Variants in CACNA2D3 observed in about 807,000 individuals in gnomAD.
CACNA2D3 encodes voltage-dependent calcium channel subunit alpha-2/delta-3.
A neutral mutation model predicts 160.6 loss-of-function variants in CACNA2D3; 60 were observed. The ratio of observed to expected loss-of-function variants is 0.37; its 90% CI spans 0.30 to 0.46. The LOEUF (loss-of-function observed/expected upper bound fraction) is 0.46. CACNA2D3 is among the 20% of genes least tolerant of loss of function. CACNA2D3 has a pLI of 1.00. For missense variants in CACNA2D3, 1,205 were observed against 1,365.0 expected, an observed-to-expected ratio of 0.88 and a Z score of 1.85; for synonymous variants, 558 against 492.9, an observed-to-expected ratio of 1.13 and a Z score of -1.75.
chr3:54,192,614 A>G (rs1701003312), intron 2 of CACNA2D3, among the ~76,000 whole-genome samples: 1 of 152,100 alleles, frequency 6.6e-6, no homozygotes, highest in South Asian at 2.1e-4. Context: ...AAAGCAGGGA[A>G]TGAGCACGAG....
At chr3:54,772,211 C>G (rs1021423534) in intron 13 of CACNA2D3, among the ~76,000 whole-genome samples, 2 of 150,036 alleles carry the variant, frequency 1.3e-5, no homozygotes, top group Admixed American at 6.7e-5. Flanking sequence ...ACTCTTCTTT[C>G]TCTGTAATTA....
At chr3:54,488,754 C>T (rs950145970) in intron 4 of CACNA2D3, among the ~76,000 whole-genome samples, 1 of 152,160 alleles carries the variant, frequency 6.6e-6, no homozygotes, top group Non-Finnish European at 1.5e-5. Context: ...GAAGAAACAG[C>T]TATGCTTCCT....
intron 3 of CACNA2D3, among the ~76,000 whole-genome samples, chr3:54,342,381 G>T (rs1698373631): frequency 6.6e-6 from 1 of 152,202 alleles, no homozygotes; most frequent in Non-Finnish European, 1.5e-5. Flanking sequence ...TGAGGCAGTG[G>T]ATCTGAGTAT....
At chr3:54,423,876 G>T (rs57032148) in intron 4 of CACNA2D3, among the ~76,000 whole-genome samples, 12,503 of 150,954 alleles carry the variant, frequency 0.083, 736 homozygotes, top group East Asian at 0.17. Context: ...CTCTTCTGTT[G>T]CCATCTTGAA....
At chr3:54,923,804 C>G (rs958198052) in intron 27 of CACNA2D3, among the ~76,000 whole-genome samples, 1 of 152,208 alleles carries the variant, frequency 6.6e-6, no homozygotes, top group African/African-American at 2.4e-5. Flanking sequence ...CACTGAACCT[C>G]TCTGGGACTC....
chr3:54,598,474 A>G (rs1313359710), intron 9 of CACNA2D3, among the ~76,000 whole-genome samples: 3 of 152,154 alleles, frequency 2.0e-5, no homozygotes, highest in South Asian at 2.1e-4. Context: ...GTAATTATTT[A>G]CTCAAATAAT....
rs562054885 is a variant in CACNA2D3, at chr3:54,514,356, G to A, written c.544+10702G>A. Among the ~76,000 whole-genome samples the A allele has an allele frequency of 3.8e-4, 58 of 152,342 alleles. 1 individual carries two copies. The South Asian group carries it at 7.9e-3, about 21-fold the overall frequency. On this transcript the variant is annotated intron_variant, in intron 5 of 37. Transcript: ENST00000474759. ...TCTTCTCCTTGCCAGAAAGTTCACT[G>A]CAGTGTGTTTAGGAGAAGTGAATTC...
At chr3:54,908,602 A>G (rs1700494982) in intron 27 of CACNA2D3, among the ~76,000 whole-genome samples, 1 of 152,170 alleles carries the variant, frequency 6.6e-6, no homozygotes, top group Non-Finnish European at 1.5e-5. Flanking sequence ...CTGTAGTCCC[A>G]GTTATTCAGG....
At chr3:54,583,499 A>G (rs1198442720) in intron 9 of CACNA2D3, among the ~76,000 whole-genome samples, 1 of 152,210 alleles carries the variant, frequency 6.6e-6, no homozygotes. Flanking sequence ...AACGCAACAA[A>G]CAAGTATAGG....
chr3:55,041,215 T>C (rs1212028815), intron 35 of CACNA2D3, among the ~76,000 whole-genome samples: 2 of 152,214 alleles, frequency 1.3e-5, no homozygotes, highest in Non-Finnish European at 2.9e-5. Flanking sequence ...CCTTGTCTTA[T>C]TACACATGAT....
chr3:54,973,467 C>G (rs1374546222), intron 29 of CACNA2D3, among the ~76,000 whole-genome samples: 2 of 152,184 alleles, frequency 1.3e-5, no homozygotes, highest in African/African-American at 4.8e-5. Context: ...ACTTCATGAT[C>G]AAAGTCAGCT....
At chr3:54,564,999 G>A in intron 6 of CACNA2D3, among the ~76,000 whole-genome samples, 1 of 152,142 alleles carries the variant, frequency 6.6e-6, no homozygotes, top group Non-Finnish European at 1.5e-5. Context: ...TCACTGGCAA[G>A]TGATCTCCTC....
At position 54,228,450 on chromosome 3, in the gene CACNA2D3, T is replaced by C. The variant is rs953697515; in HGVS notation, c.205-91992T>C. Among the ~76,000 whole-genome samples the C allele has an allele frequency of 6.6e-5, 10 of 152,246 alleles. 1 individual carries two copies. The East Asian group carries it at 9.6e-4, about 15-fold the overall frequency. The stretch of plus-strand genomic sequence containing the variant: ...ATCACCTAGGCTGGTCACCACTAAC[T>C]GGTGCTAAAAAGATTAAACAAGTAT... On this transcript the variant is annotated intron_variant, in intron 2 of 37. Coordinates refer to ENST00000474759, the MANE Select transcript of CACNA2D3 (RefSeq NM_018398.3).
chr3:54,186,741 AT>A (rs1700885147), intron 2 of CACNA2D3, among the ~76,000 whole-genome samples: 1 of 151,970 alleles, frequency 6.6e-6, no homozygotes, highest in African/African-American at 2.4e-5. Context: ...GAAAAAAAAA[AT>A]TAACTGAGTT....
At chr3:54,384,179 C>T (rs1189109298) in intron 3 of CACNA2D3, among the ~76,000 whole-genome samples, 1 of 151,592 alleles carries the variant, frequency 6.6e-6, no homozygotes. Flanking sequence ...TTTACTTTAT[C>T]TTTTGATCAT....
intron 35 of CACNA2D3, among the ~76,000 whole-genome samples, chr3:55,062,337 C>T (rs1213484326): frequency 1.3e-5 from 2 of 150,058 alleles, no homozygotes; most frequent in Non-Finnish European, 3.0e-5. Context: ...TGGTCTCAAA[C>T]TCCTGGGGTT....
At chr3:55,000,615 C>T (rs1481426957) in intron 31 of CACNA2D3, among the ~76,000 whole-genome samples, 10 of 152,122 alleles carry the variant, frequency 6.6e-5, no homozygotes, top group African/African-American at 2.2e-4. Flanking sequence ...CTGGGGGCTG[C>T]CCCAGAGCAA....
intron 11 of CACNA2D3, among the ~76,000 whole-genome samples, chr3:54,673,836 G>A (rs960911914): frequency 6.6e-6 from 1 of 152,178 alleles, no homozygotes; most frequent in Non-Finnish European, 1.5e-5. Flanking sequence ...GGTGCAGTGA[G>A]GACCTGTGAG....
At chr3:54,760,202 G>A (rs1702056068) in intron 12 of CACNA2D3, among the ~76,000 whole-genome samples, 1 of 150,364 alleles carries the variant, frequency 6.7e-6, no homozygotes, top group South Asian at 2.1e-4. Context: ...TGAAGGGAGA[G>A]GAAGTGACTT....
Sources: gnomAD v4.1 joint callset for allele counts (sites outside exome capture counted in the v4.1 genomes callset) on GRCh38, gnomAD v4.1.1 for gene constraint, MANE v1.5 for transcripts, NCBI Gene and HGNC (gene_info 2026-07-23, HGNC 2026-07-21) for gene names.